The following GPC5 variants were observed in gnomAD, a reference collection of about 807,000 sequenced individuals.
GPC5 encodes glypican-5.
A neutral mutation model predicts 53.9 loss-of-function variants in GPC5; 47 were observed. That is an observed-to-expected ratio of 0.87 (90% CI 0.69 to 1.11). The LOEUF is 1.11. Ranked by LOEUF, GPC5 falls within the 50% of genes most tolerant of loss-of-function variation. The pLI is 0.00. For synonymous variants in GPC5, 286 were observed against 263.3 expected (o/e 1.09, Z -0.84); for missense variants, 748 against 713.1 (o/e 1.05, Z -0.56).
chr13:91,505,392 T>C (rs1015251286), intron 2 of GPC5, among the ~76,000 whole-genome samples: 1 of 152,216 alleles, frequency 6.6e-6, no homozygotes, highest in African/African-American at 2.4e-5. Context: ...ATGTAATAGA[T>C]GTAAACCCAA....
At chr13:92,561,577 C>T (rs543603464) in intron 7 of GPC5, among the ~76,000 whole-genome samples, 1 of 152,092 alleles carries the variant, frequency 6.6e-6, no homozygotes, top group East Asian at 1.9e-4. Context: ...TTATTCATTT[C>T]CACACAGGTT....
chr13:92,521,571 C>T (rs1881049814), intron 7 of GPC5, among the ~76,000 whole-genome samples: 1 of 152,176 alleles, frequency 6.6e-6, no homozygotes, highest in Admixed American at 6.5e-5. Flanking sequence ...ACTGGCTAGT[C>T]ATATGTAGAA....
chr13:91,787,977 T>G (rs1285307831), intron 5 of GPC5, among the ~76,000 whole-genome samples: 1 of 152,200 alleles, frequency 6.6e-6, no homozygotes, highest in Admixed American at 6.6e-5. Flanking sequence ...ATTTTAACCA[T>G]TTTATCTCCT....
intron 1 of GPC5, among the ~76,000 whole-genome samples, chr13:91,427,005 G>A (rs530472358): frequency 9.1e-4 from 138 of 152,356 alleles, no homozygotes; most frequent in South Asian, 1.9e-3. Flanking sequence ...TATTGGACCC[G>A]TGGATGGGAA....
In GPC5 at chr13:92,673,495, G is replaced by A. The variant is rs149653944; in HGVS notation, c.1562-192787G>A. On this transcript the variant is annotated intron_variant, in intron 7 of 7. Coordinates refer to ENST00000377067, the MANE Select transcript of GPC5 (RefSeq NM_004466.6). ...GATGGGGTTTCACCATGTTGGCCAG[G>A]CTGGTCTCTAACTCATGACCACCTC... is the stretch of plus-strand genomic sequence containing the variant. Among the ~76,000 whole-genome samples the A allele has an allele frequency of 7.7e-4, 117 of 152,052 alleles. 1 individual carries two copies. Among genetic ancestry groups the A allele is most frequent in the African/African-American group, 2.5e-3 (105 of 41,516 alleles).
chr13:92,535,389 G>A (rs1208276358), intron 7 of GPC5, among the ~76,000 whole-genome samples: 1 of 152,078 alleles, frequency 6.6e-6, no homozygotes, highest in Non-Finnish European at 1.5e-5. Context: ...GCTTTCATCA[G>A]GCGCCGCAAC....
intron 3 of GPC5, among the ~76,000 whole-genome samples, chr13:91,719,648 AAAAG>A (rs2036421669): frequency 6.6e-6 from 1 of 152,254 alleles, no homozygotes. Flanking sequence ...TTTTAATTGA[AAAAG>A]AAGAATATAA....
At chr13:92,124,090 TATAA>T (rs1283018067) in intron 6 of GPC5, among the ~76,000 whole-genome samples, 1 of 151,112 alleles carries the variant, frequency 6.6e-6, no homozygotes, top group Non-Finnish European at 1.5e-5. Flanking sequence ...ATATAAACAA[TATAA>T]ATAACCATCC....
chr13:91,661,497 A>T (rs1220383641), intron 2 of GPC5, among the ~76,000 whole-genome samples: 1 of 152,190 alleles, frequency 6.6e-6, no homozygotes, highest in Non-Finnish European at 1.5e-5. Flanking sequence ...ACTTTCTGGC[A>T]ATTATGCTTG....
At chr13:91,673,417 C>T (rs1225262383) in intron 2 of GPC5, among the ~76,000 whole-genome samples, 1 of 151,908 alleles carries the variant, frequency 6.6e-6, no homozygotes, top group Non-Finnish European at 1.5e-5. Context: ...CTATACTAAC[C>T]ATCGATGACA....
Position 92,468,761 on chromosome 13 carries a change from T to C in GPC5, c.1561+323772T>C, listed in dbSNP as rs995704379. ...CAGAACTGACTGAGCACTTTCACTT[T>C]TTTTGCACCCTTGCAATCATGCTCT... On this transcript the variant is annotated intron_variant, in intron 7 of 7. Transcript: ENST00000377067. 2.6e-5 allele frequency among the ~76,000 whole-genome samples: 4 copies of C among 152,114 alleles called. No homozygotes were observed. In the South Asian group the frequency reaches 6.2e-4, roughly 24 times the overall value.
intron 7 of GPC5, among the ~76,000 whole-genome samples, chr13:92,746,220 G>A (rs1001965027): frequency 6.6e-6 from 1 of 151,974 alleles, no homozygotes; most frequent in Non-Finnish European, 1.5e-5. Flanking sequence ...TATAAAAGGT[G>A]CTTCAAAGGG....
intron 2 of GPC5, among the ~76,000 whole-genome samples, chr13:91,551,150 T>C (rs1472803677): frequency 1.8e-5 from 2 of 111,604 alleles, no homozygotes; most frequent in Non-Finnish European, 3.9e-5. Context: ...TGGTACATGA[T>C]ATGTCATCAG....
At chr13:91,786,454 G>A (rs1055893227) in intron 5 of GPC5, among the ~76,000 whole-genome samples, 6 of 152,080 alleles carry the variant, frequency 3.9e-5, no homozygotes, top group African/African-American at 1.4e-4. Flanking sequence ...TTTTGACAGA[G>A]TGCCTATTTG....
chr13:92,247,181 G>A (rs1378532344), intron 7 of GPC5, among the ~76,000 whole-genome samples: 1 of 152,082 alleles, frequency 6.6e-6, no homozygotes, highest in Admixed American at 6.6e-5. Flanking sequence ...AAATAAAGAT[G>A]ACTGCAGAGT....
chr13:91,934,707 T>C (rs1160701598), intron 6 of GPC5, among the ~76,000 whole-genome samples: 1 of 151,946 alleles, frequency 6.6e-6, no homozygotes, highest in Admixed American at 6.6e-5. Flanking sequence ...TGTTTGATAC[T>C]GTTCCTTTAC....
chr13:92,347,518 G>C lies in GPC5; in HGVS notation c.1561+202529G>C, dbSNP rs182836139. ...AAGGGATGTCATAACCATTACGCCA[G>C]TCTTGTAAGAGTTGCTAAAAGGACT... is the stretch of plus-strand genomic sequence containing the variant. On this transcript the variant is annotated intron_variant, in intron 7 of 7. Coordinates refer to ENST00000377067, the MANE Select transcript of GPC5 (RefSeq NM_004466.6). Among the ~76,000 whole-genome samples the C allele has an allele frequency of 2.9e-3, 438 of 152,066 alleles. 1 individual carries two copies. The highest frequency in any genetic ancestry group is 5.4e-3 in the Non-Finnish European group (364 of 67,982).
At chr13:92,333,028 G>C (rs559005985) in intron 7 of GPC5, among the ~76,000 whole-genome samples, 1 of 152,232 alleles carries the variant, frequency 6.6e-6, no homozygotes, top group Admixed American at 6.5e-5. Context: ...GAATATATTG[G>C]GTCACAGATT....
At chr13:92,637,125 C>G (rs1205760813) in intron 7 of GPC5, among the ~76,000 whole-genome samples, 2 of 152,162 alleles carry the variant, frequency 1.3e-5, no homozygotes, top group Non-Finnish European at 2.9e-5. Context: ...AATGTAGTAT[C>G]TCCTAATAGT....
Sources: gnomAD v4.1 joint callset for allele counts (sites outside exome capture counted in the v4.1 genomes callset) on GRCh38, gnomAD v4.1.1 for gene constraint, MANE v1.5 for transcripts, NCBI Gene and HGNC (gene_info 2026-07-23, HGNC 2026-07-21) for gene names.